The following DDR2 variants were observed in gnomAD, a reference collection of about 807,000 sequenced individuals.
DDR2 encodes discoidin domain receptor tyrosine kinase 2.
Under a neutral mutation model 94.9 loss-of-function variants are expected in DDR2, and 27 were observed. The ratio of observed to expected loss-of-function variants is 0.28; its 90% CI spans 0.21 to 0.39. The LOEUF (loss-of-function observed/expected upper bound fraction) is 0.39. DDR2 is among the 10% of genes least tolerant of loss of function. The pLI, the probability that DDR2 is intolerant of heterozygous loss-of-function variation, is 1.00. For synonymous variants in DDR2, 382 were observed against 377.2 expected (o/e 1.01, Z -0.15); for missense variants, 783 against 1,076.0 (o/e 0.73, Z 3.81).
chr1:162,773,820 A>C (rs888908534), intron 14 of DDR2, among the ~76,000 whole-genome samples: 1 of 152,174 alleles, frequency 6.6e-6, no homozygotes, highest in Non-Finnish European at 1.5e-5. Context: ...TACTTGCCAC[A>C]TATTTACTTC....
At chr1:162,631,544 C>G (rs956699639), upstream of DDR2, 1 of 152,134 alleles carries the variant, frequency 6.6e-6, no homozygotes, top group African/African-American at 2.4e-5. Flanking sequence ...TCCATACTCA[C>G]GGAGAATCAG....
intron 16 of DDR2, among the ~76,000 whole-genome samples, chr1:162,776,891 G>C (rs758574268): frequency 2.6e-5 from 4 of 151,928 alleles, no homozygotes; most frequent in Non-Finnish European, 5.9e-5. Context: ...CTCTATTAGA[G>C]GTATATTTTC....
intron 11 of DDR2, among the ~76,000 whole-genome samples, chr1:162,768,962 G>C (rs1332306714): frequency 2.6e-5 from 4 of 152,214 alleles, no homozygotes; most frequent in Admixed American, 1.3e-4. Context: ...GAGGGTGGTG[G>C]TGAACTGAAG....
intron 1 of DDR2, among the ~76,000 whole-genome samples, chr1:162,642,651 A>G (rs1043426230): frequency 3.3e-5 from 5 of 151,934 alleles, no homozygotes; most frequent in African/African-American, 1.2e-4. Context: ...TCAGAATACT[A>G]CCCCAGATTT....
intron 1 of DDR2, among the ~76,000 whole-genome samples, chr1:162,643,889 CT>C: frequency 6.6e-6 from 1 of 152,232 alleles, no homozygotes; most frequent in Non-Finnish European, 1.5e-5. Context: ...AAGGAGAAGC[CT>C]GGGAAGGAGT....
At chr1:162,688,996 G>A (rs974268057) in intron 2 of DDR2, among the ~76,000 whole-genome samples, 2 of 152,204 alleles carry the variant, frequency 1.3e-5, no homozygotes, top group African/African-American at 4.8e-5. Flanking sequence ...CGGGAAAATT[G>A]TGCACACTTT....
chr1:162,644,026 T>C (rs1378602916), intron 1 of DDR2, among the ~76,000 whole-genome samples: 1 of 152,172 alleles, frequency 6.6e-6, no homozygotes, highest in East Asian at 1.9e-4. Context: ...GTGAAAACCC[T>C]GGATACACTT....
At chr1:162,726,448 T>G (rs1221829267) in intron 3 of DDR2, among the ~76,000 whole-genome samples, 8 of 152,274 alleles carry the variant, frequency 5.3e-5, no homozygotes, top group African/African-American at 1.7e-4. Context: ...GAATTCCCGG[T>G]TCATACCCTA....
chr1:162,683,928 G>T (rs1420311796), intron 2 of DDR2, among the ~76,000 whole-genome samples: 2 of 152,020 alleles, frequency 1.3e-5, no homozygotes, highest in East Asian at 1.9e-4. Flanking sequence ...AACCATAATA[G>T]CTAGAACAAT....
At chr1:162,645,835 A>G (rs1405774687) in intron 1 of DDR2, among the ~76,000 whole-genome samples, 1 of 152,178 alleles carries the variant, frequency 6.6e-6, no homozygotes, top group African/African-American at 2.4e-5. Flanking sequence ...CATTGTGTTG[A>G]TATTAAAATT....
rs982378741 is a variant in DDR2 at position 162,785,958 on chromosome 1, A to C, written c.*5712A>C. On this transcript the variant is annotated 3_prime_UTR_variant, in exon 18 of 18. Transcript: ENST00000367921. ...CCAGCCTATTTGAAACAAGCTATCT[A>C]GTTTCTCCTGCAGACACCTTGTCAA... 1 of 152,196 alleles carries C rather than the reference A, an allele frequency of 6.6e-6. No individual in the cohort carries two copies. The highest frequency in any genetic ancestry group is 2.4e-5 in the African/African-American group (1 of 41,442). The allele number at this position is 152,196 out of a possible 1,614,324, so 9.4% of individuals were successfully genotyped here. A position where few individuals can be genotyped will look rare whatever the true frequency, so the allele number is the denominator to read the frequency against.
At chr1:162,723,224 A>G (rs1661499189) in intron 3 of DDR2, among the ~76,000 whole-genome samples, 1 of 152,062 alleles carries the variant, frequency 6.6e-6, no homozygotes, top group Non-Finnish European at 1.5e-5. Flanking sequence ...GGCTGAGAGG[A>G]GGGTGAGGAA....
intron 3 of DDR2, among the ~76,000 whole-genome samples, chr1:162,723,989 G>A (rs935468213): frequency 8.5e-5 from 13 of 152,252 alleles, no homozygotes; most frequent in Admixed American, 4.6e-4. Context: ...TGTGGTTTTT[G>A]TTCTTTCCAG....
chr1:162,742,899 C>T (rs878949176), intron 3 of DDR2, among the ~76,000 whole-genome samples: 3 of 152,084 alleles, frequency 2.0e-5, no homozygotes, highest in Admixed American at 6.5e-5. Context: ...CATCAGATCT[C>T]GTGAGACTTA....
At chr1:162,698,821 G>T (rs1660304377) in intron 2 of DDR2, among the ~76,000 whole-genome samples, 1 of 152,152 alleles carries the variant, frequency 6.6e-6, no homozygotes, top group Non-Finnish European at 1.5e-5. Flanking sequence ...CATTCCCATT[G>T]CTAGCTTTGG....
chr1:162,721,169 G>A (rs1375290072), intron 3 of DDR2, among the ~76,000 whole-genome samples: 1 of 152,168 alleles, frequency 6.6e-6, no homozygotes, highest in Non-Finnish European at 1.5e-5. Flanking sequence ...ATGTTTTGGT[G>A]GTAAGCATAG....
At chr1:162,688,846 G>C (rs1659820017) in intron 2 of DDR2, among the ~76,000 whole-genome samples, 1 of 152,166 alleles carries the variant, frequency 6.6e-6, no homozygotes, top group Non-Finnish European at 1.5e-5. Flanking sequence ...TGTGTCCCTT[G>C]GCACCTGCCA....
intron 1 of DDR2, among the ~76,000 whole-genome samples, chr1:162,641,031 C>A (rs1326055225): frequency 6.6e-6 from 1 of 152,168 alleles, no homozygotes; most frequent in Admixed American, 6.5e-5. Context: ...GCTAGTATTA[C>A]AAACATGAGC....
chr1:162,667,401 G>A (rs113438758), intron 2 of DDR2, among the ~76,000 whole-genome samples: 18 of 152,274 alleles, frequency 1.2e-4, no homozygotes, highest in African/African-American at 3.6e-4. Flanking sequence ...GGCAGACCCC[G>A]TGTTTCCCAG....
Sources: gnomAD v4.1 joint callset for allele counts (sites outside exome capture counted in the v4.1 genomes callset) on GRCh38, gnomAD v4.1.1 for gene constraint, MANE v1.5 for transcripts, NCBI Gene and HGNC (gene_info 2026-07-23, HGNC 2026-07-21) for gene names.